Variants in SIGLECL1 observed in about 807,000 individuals in gnomAD.
The protein encoded by SIGLECL1 is SIGLEC family-like protein 1.
A neutral mutation model predicts 19.1 loss-of-function variants in SIGLECL1; 16 were observed. The ratio of observed to expected loss-of-function variants is 0.84; its 90% CI spans 0.57 to 1.27. SIGLECL1 has a LOEUF of 1.27. Ranked by LOEUF, SIGLECL1 falls within the 50% of genes most tolerant of loss-of-function variation. The probability of loss-of-function intolerance (pLI) is 0.00; values close to 1 mark genes in which losing one functional copy is unlikely to be tolerated. For missense variants in SIGLECL1, 210 were observed against 239.4 expected (o/e 0.88, Z 0.81); for synonymous variants, 89 against 90.4 (o/e 0.98, Z 0.09).
Position 51,251,124 on chromosome 19 carries a change from C to T in SIGLECL1, c.-612C>T, listed in dbSNP as rs892332422. ...AGCTAGCAGGTCTTGCAGCGGCTAT[C>T]ACGCCCCTCACGCCGCTATCTCTGT... On this transcript the variant is annotated 5_prime_UTR_variant, in exon 1 of 6. Coordinates refer to ENST00000601727, the MANE Select transcript of SIGLECL1 (RefSeq NM_001385465.1). The T allele has an allele frequency of 2.6e-5, 4 of 152,276 alleles. No homozygotes were observed. The highest frequency in any genetic ancestry group is 6.5e-5 in the Admixed American group (1 of 15,282). The allele number at this position is 152,276 out of a possible 1,614,324, so 9.4% of individuals were successfully genotyped here.
chr19:51,263,936 T>C lies in SIGLECL1; in HGVS notation c.-137T>C. 9.2e-7 allele frequency: 1 copy of C among 1,084,712 alleles called. No individual in the cohort carries two copies. Among genetic ancestry groups the C allele is most frequent in the South Asian group, 1.6e-5 (1 of 64,090 alleles). 67.2% of individuals were successfully genotyped at this position (1,084,712 alleles called of 1,614,324 possible). ...CAGAAGCCCCTGACTTGGCTAAAGA[T>C]ACTTCTGCTCTCCCCATCCCCACAT... is the stretch of plus-strand genomic sequence containing the variant. On this transcript the variant is annotated 5_prime_UTR_variant, in exon 2 of 6. Coordinates refer to ENST00000601727, the MANE Select transcript of SIGLECL1 (RefSeq NM_001385465.1).
upstream of SIGLECL1, among the ~76,000 whole-genome samples, chr19:51,247,748 T>C (rs1434368748): frequency 6.6e-6 from 1 of 152,192 alleles, no homozygotes. Flanking sequence ...TTTAGTGCAT[T>C]TGAAGAAGTT....
intron 2 of SIGLECL1, among the ~76,000 whole-genome samples, chr19:51,264,803 G>A (rs116184534): frequency 3.5e-4 from 54 of 152,282 alleles, no homozygotes; most frequent in African/African-American, 1.2e-3. Context: ...ACTTGAGACC[G>A]GGAAGAAGGA....
chr19:51,267,472 GA>G lies in SIGLECL1; in HGVS notation c.512del (p.Lys171SerfsTer9). 6.2e-7 allele frequency: 1 copy of G among 1,614,222 alleles called. No homozygotes were observed. The highest frequency in any genetic ancestry group is 8.5e-7 in the Non-Finnish European group (1 of 1,180,030). On this transcript the variant is annotated frameshift_variant, in exon 5 of 6. Coordinates refer to ENST00000601727, the MANE Select transcript of SIGLECL1 (RefSeq NM_001385465.1). LOFTEE classifies it high-confidence loss of function. Reference protein sequence around the residue: ...RASQELEMSLKPEEPGKPVVA... With the variant: ...RASQELEMSLXPEEPGKPVVA... ...CAAGCCAAGAACTTGAGATGTCTCT[GA>G]AGCCTGAGGAACCAGGAAAACCCGT...
chr19:51,246,401 G>T (rs545682390), upstream of SIGLECL1: 1 of 152,322 alleles, frequency 6.6e-6, no homozygotes, highest in East Asian at 1.9e-4. Context: ...ATACAAGTGA[G>T]TATGGCCTCC....
chr19:51,249,833 G>T (rs896682758), upstream of SIGLECL1, among the ~76,000 whole-genome samples: 5 of 152,146 alleles, frequency 3.3e-5, no homozygotes, highest in African/African-American at 4.8e-5. Context: ...GAAAGTAAAA[G>T]AATAAAAGAA....
chr19:51,263,427 C>T (rs1983378911), intron 1 of SIGLECL1, among the ~76,000 whole-genome samples: 1 of 152,182 alleles, frequency 6.6e-6, no homozygotes, highest in Non-Finnish European at 1.5e-5. Context: ...TAAGTGATCA[C>T]ACCACTGCAA....
chr19:51,268,476 G>T (rs2123463632), intron 5 of SIGLECL1, 95 bp from the exon 6 acceptor site: 1 of 1,333,918 alleles, frequency 7.5e-7, no homozygotes, highest in African/African-American at 1.4e-5. Flanking sequence ...TTAATTCTGT[G>T]CACAAGGGGG....
Position 51,258,060 on chromosome 19 carries a change from A to C in SIGLECL1, c.-190-5823A>C, listed in dbSNP as rs149485632. On this transcript the variant is annotated intron_variant, in intron 1 of 5. Coordinates refer to ENST00000601727, the MANE Select transcript of SIGLECL1 (RefSeq NM_001385465.1). ...GTATGTCTTCCCTTGGCTGATTTTA[A>C]TCTCTATCCTTTAGTTGTAGTAAAC... is the stretch of plus-strand genomic sequence containing the variant. Among the ~76,000 whole-genome samples, 387 of 152,298 alleles carry C rather than the reference A, an allele frequency of 2.5e-3. 1 individual carries two copies. Among genetic ancestry groups the C allele is most frequent in the African/African-American group, 8.9e-3 (369 of 41,554 alleles).
intron 1 of SIGLECL1, among the ~76,000 whole-genome samples, chr19:51,253,841 T>C (rs933254144): frequency 2.6e-5 from 4 of 152,218 alleles, no homozygotes; most frequent in Non-Finnish European, 5.9e-5. Flanking sequence ...CCAGTCATAG[T>C]ACTTTTGTGG....
At chr19:51,262,449 A>G (rs1983304393) in intron 1 of SIGLECL1, among the ~76,000 whole-genome samples, 1 of 152,230 alleles carries the variant, frequency 6.6e-6, no homozygotes, top group Non-Finnish European at 1.5e-5. Flanking sequence ...TGAATAACCT[A>G]GTGAATAACC....
At chr19:51,255,662 C>A (rs955364751) in intron 1 of SIGLECL1, among the ~76,000 whole-genome samples, 12 of 151,908 alleles carry the variant, frequency 7.9e-5, no homozygotes, top group Non-Finnish European at 1.6e-4. Context: ...GAAGACATAC[C>A]AAAATGGCCA....
upstream of SIGLECL1, among the ~76,000 whole-genome samples, chr19:51,248,879 T>TGAG: frequency 6.6e-6 from 1 of 152,314 alleles, no homozygotes; most frequent in Admixed American, 6.5e-5. Flanking sequence ...AGTTTCATTT[T>TGAG]TCTAGGATAT....
chr19:51,256,695 G>A (rs749109175), intron 1 of SIGLECL1, among the ~76,000 whole-genome samples: 34 of 152,162 alleles, frequency 2.2e-4, no homozygotes, highest in Non-Finnish European at 3.7e-4. Context: ...TAACTGTGAA[G>A]TGCTGATTAT....
chr19:51,262,907 A>G (rs925252804), intron 1 of SIGLECL1, among the ~76,000 whole-genome samples: 4 of 152,062 alleles, frequency 2.6e-5, no homozygotes, highest in African/African-American at 9.7e-5. Flanking sequence ...TTATTTACTT[A>G]TTTATTTTGA....
chr19:51,267,195 T>TC (rs1983745247), intron 4 of SIGLECL1, among the ~76,000 whole-genome samples, 178 bp from the exon 5 acceptor site: 1 of 152,146 alleles, frequency 6.6e-6, no homozygotes, highest in South Asian at 2.1e-4. Context: ...AAGCAGGGTA[T>TC]CCCCCTTATT....
chr19:51,266,177 G>T (rs1983655172), intron 4 of SIGLECL1, among the ~76,000 whole-genome samples: 1 of 152,148 alleles, frequency 6.6e-6, no homozygotes, highest in African/African-American at 2.4e-5. Flanking sequence ...TGTCTGTGGT[G>T]GGCCTGCAAG....
chr19:51,255,832 G>C (rs1315033973), intron 1 of SIGLECL1: 3 of 152,072 alleles, frequency 2.0e-5, no homozygotes, highest in African/African-American at 7.2e-5. Context: ...GTACACTGTT[G>C]GTGGAAATGT....
intron 1 of SIGLECL1, among the ~76,000 whole-genome samples, chr19:51,263,140 A>G (rs1983359498): frequency 2.0e-5 from 3 of 152,196 alleles, no homozygotes; most frequent in African/African-American, 7.2e-5. Flanking sequence ...TTAAGTCATG[A>G]TATCCAGTAG....
Sources: gnomAD v4.1 joint callset for allele counts (sites outside exome capture counted in the v4.1 genomes callset) on GRCh38, gnomAD v4.1.1 for gene constraint, MANE v1.5 for transcripts, NCBI Gene and HGNC (gene_info 2026-07-23, HGNC 2026-07-21) for gene names.